Variants in SHOC2 observed in about 807,000 individuals in gnomAD.
The protein encoded by SHOC2 is leucine-rich repeat protein SHOC-2.
SHOC2 carries 4 observed loss-of-function variants against 50.2 expected under a neutral mutation model. The observed-to-expected ratio is 0.08, with a 90% CI of 0.04 to 0.18. The LOEUF (loss-of-function observed/expected upper bound fraction) is 0.18, where lower values mean the gene tolerates loss of function less well. Among genes scored for constraint, SHOC2 ranks in the 10% least tolerant of loss-of-function variants. The probability of loss-of-function intolerance (pLI) is 1.00; values close to 1 mark genes in which losing one functional copy is unlikely to be tolerated. For missense variants in SHOC2, 388 were observed against 669.6 expected (o/e 0.58, Z 4.64); for synonymous variants, 218 against 244.5 (o/e 0.89, Z 1.01).
At chr10:110,947,789 C>A (rs544351965) in intron 1 of SHOC2, among the ~76,000 whole-genome samples, 38 of 146,208 alleles carry the variant, frequency 2.6e-4, no homozygotes, top group African/African-American at 8.1e-4. Flanking sequence ...AAAATCAAAT[C>A]GCAAAGGAAA....
At chr10:110,978,436 T>C (rs1847915005) in intron 2 of SHOC2, among the ~76,000 whole-genome samples, 1 of 152,234 alleles carries the variant, frequency 6.6e-6, no homozygotes, top group Admixed American at 6.5e-5. Context: ...ATTTAGCTCT[T>C]GTAAGGGTGA....
intron 1 of SHOC2, among the ~76,000 whole-genome samples, chr10:110,951,107 G>A (rs1847343256): frequency 6.6e-6 from 1 of 152,156 alleles, no homozygotes; most frequent in African/African-American, 2.4e-5. Context: ...ATAATTGACA[G>A]AATAGGAGAA....
At chr10:110,989,117 T>G in intron 3 of SHOC2, 1 of 464,790 alleles carries the variant, frequency 2.2e-6, no homozygotes, top group South Asian at 1.6e-5. Flanking sequence ...GGACTTGAAT[T>G]CTTTCATCAT....
chr10:110,993,515 G>A (rs1045894542), intron 3 of SHOC2, among the ~76,000 whole-genome samples: 18 of 152,122 alleles, frequency 1.2e-4, no homozygotes, highest in African/African-American at 2.9e-4. Flanking sequence ...CATCAGAACA[G>A]CCTATTCTCA....
chr10:110,936,952 T>C, intron 1 of SHOC2: 5 of 1,439,628 alleles, frequency 3.5e-6, no homozygotes, highest in Non-Finnish European at 4.9e-6. Flanking sequence ...CGGCCTGGCC[T>C]CGCTTGGTCT....
chr10:110,996,747 T>A (rs565862536), intron 3 of SHOC2, among the ~76,000 whole-genome samples: 3 of 152,342 alleles, frequency 2.0e-5, no homozygotes, highest in African/African-American at 7.2e-5. Context: ...TTTTGCTTTA[T>A]TATAATAAAC....
At chr10:110,996,646 A>C (rs1007695934) in intron 3 of SHOC2, among the ~76,000 whole-genome samples, 1 of 152,226 alleles carries the variant, frequency 6.6e-6, no homozygotes, top group African/African-American at 2.4e-5. Flanking sequence ...CTGATACTAG[A>C]AAACATTTTT....
At chr10:110,929,043 A>C (rs1841553342) in intron 1 of SHOC2, among the ~76,000 whole-genome samples, 1 of 152,234 alleles carries the variant, frequency 6.6e-6, no homozygotes, top group Admixed American at 6.5e-5. Context: ...AAATACCATA[A>C]TATAACAACA....
intron 3 of SHOC2, among the ~76,000 whole-genome samples, chr10:110,988,603 A>G (rs1416057713): frequency 2.0e-5 from 3 of 152,172 alleles, no homozygotes; most frequent in East Asian, 1.9e-4. Context: ...CATTCTGGTT[A>G]GAAGTATATC....
intron 1 of SHOC2, among the ~76,000 whole-genome samples, chr10:110,930,299 C>T (rs1413013848): frequency 1.3e-5 from 2 of 152,034 alleles, no homozygotes; most frequent in Admixed American, 6.5e-5. Context: ...ATATAAGATA[C>T]CTTGAGACCA....
In SHOC2 at chr10:110,998,439, G is replaced by A. The variant is rs535126967; in HGVS notation, c.842-1976G>A. Among the ~76,000 whole-genome samples, 18 of 152,180 alleles carry A rather than the reference G, an allele frequency of 1.2e-4. 1 individual carries two copies. In the East Asian group the frequency reaches 3.1e-3, roughly 26 times the overall value. ...ACCAGAGTGTCATCAGAAAGACACT[G>A]ATGAAGTCACTAAGTGAAGCATCCT... On this transcript the variant is annotated intron_variant, in intron 3 of 8. Transcript: ENST00000369452.
intron 3 of SHOC2, chr10:110,985,992 T>G: frequency 4.0e-6 from 2 of 498,756 alleles, no homozygotes; most frequent in South Asian, 4.4e-5. Context: ...AGAGAGAATA[T>G]TGAGTTACAT....
chr10:110,941,379 T>C (rs186556908), intron 1 of SHOC2, among the ~76,000 whole-genome samples: 111 of 152,174 alleles, frequency 7.3e-4, no homozygotes, highest in African/African-American at 2.6e-3. Flanking sequence ...TTGCCCAGGC[T>C]GGAGTGTAGT....
At chr10:110,978,692 C>G (rs1055406290) in intron 2 of SHOC2, among the ~76,000 whole-genome samples, 1 of 152,296 alleles carries the variant, frequency 6.6e-6, no homozygotes, top group East Asian at 1.9e-4. Flanking sequence ...CATGTATTTT[C>G]GGAGTCAGCA....
chr10:111,004,542 T>TGTTCTATAAAAAATGAGTCTCATCACA, intron 4 of SHOC2, 64 bp from the exon 5 acceptor site: 1 of 1,210,118 alleles, frequency 8.3e-7, no homozygotes, highest in Non-Finnish European at 1.2e-6. Flanking sequence ...TTGGGACTGC[T>TGTTCTATAAAAAATGAGTCTCATCACA]GTTCTATAAA....
intron 1 of SHOC2, among the ~76,000 whole-genome samples, chr10:110,954,638 C>A (rs1475147330): frequency 6.6e-6 from 1 of 152,070 alleles, no homozygotes; most frequent in Non-Finnish European, 1.5e-5. Flanking sequence ...TACATTCTTG[C>A]AGGGAAATGG....
chr10:110,986,236 T>A (rs1848073768), intron 3 of SHOC2, among the ~76,000 whole-genome samples: 1 of 152,326 alleles, frequency 6.6e-6, no homozygotes, highest in East Asian at 1.9e-4. Flanking sequence ...GTTCAAAATA[T>A]GTTTTATAGA....
At chr10:111,007,383 G>A (rs1255269015) in intron 5 of SHOC2, 148 bp from the exon 6 acceptor site, 15 of 879,864 alleles carry the variant, frequency 1.7e-5, no homozygotes, top group Non-Finnish European at 2.6e-5. Flanking sequence ...AGAGTTTTCT[G>A]TTGCTGATTT....
At chr10:110,930,608 T>A (rs768538759) in intron 1 of SHOC2, among the ~76,000 whole-genome samples, 13 of 152,144 alleles carry the variant, frequency 8.5e-5, no homozygotes, top group Non-Finnish European at 1.5e-4. Flanking sequence ...ATAGCCTTTT[T>A]TTTAAAATTG....
Sources: allele counts gnomAD v4.1 joint callset (sites outside exome capture counted in the v4.1 genomes callset), GRCh38; gene constraint gnomAD v4.1.1; transcripts MANE v1.5; gene names NCBI Gene and HGNC (gene_info 2026-07-23, HGNC 2026-07-21).